The following CACNA1C variants were observed in gnomAD, a reference collection of about 807,000 sequenced individuals.
The protein encoded by CACNA1C is calcium voltage-gated channel subunit alpha1 C, also known as voltage-dependent L-type calcium channel subunit alpha-1C.
In CACNA1C, 30 loss-of-function variants were observed where a neutral mutation model predicts 229.0. The observed-to-expected ratio is 0.13, with a 90% CI of 0.10 to 0.18. The LOEUF is 0.18. Ranked by LOEUF, CACNA1C falls within the 10% of genes least tolerant of loss-of-function variation. CACNA1C has a pLI of 1.00. For missense variants in CACNA1C, 1,658 were observed against 2,845.0 expected (o/e 0.58, Z 9.49); for synonymous variants, 1,114 against 1,132.5 (o/e 0.98, Z 0.33).
chr12:2,691,918 C>G lies in CACNA1C; in HGVS notation c.*719C>G, dbSNP rs1170690245. Reference sequence around the variant, plus strand: ...AGCGCTCTTTTGTTTTGTGGTTTGACACTTTTCTTGACAGCATGTTGCAGT... The same window carrying G: ...AGCGCTCTTTTGTTTTGTGGTTTGAGACTTTTCTTGACAGCATGTTGCAGT... On this transcript the variant is annotated 3_prime_UTR_variant, in exon 47 of 47. Transcript: ENST00000399655. 6.6e-6 allele frequency: 1 copy of G among 152,202 alleles called. No homozygotes were observed. The highest frequency in any genetic ancestry group is 6.5e-5 in the Admixed American group (1 of 15,278). The allele number at this position is 152,202 out of a possible 1,614,324, so 9.4% of individuals were successfully genotyped here. A position where few individuals can be genotyped will look rare whatever the true frequency, so the allele number is the denominator to read the frequency against.
At position 2,147,165 on chromosome 12, in the gene CACNA1C, G is replaced by C. The variant is rs912084459; in HGVS notation, c.477+26735G>C. Among the ~76,000 whole-genome samples the C allele has an allele frequency of 4.6e-5, 7 of 151,046 alleles. 1 individual carries two copies. The South Asian group carries it at 8.4e-4, about 18-fold the overall frequency. ...TACAGCAAACGAATCACTGAGAGAG[G>C]GGGGGAACCTCCAAAATGTTGTGAG... On this transcript the variant is annotated intron_variant, in intron 3 of 46. Transcript: ENST00000399655.
chr12:2,635,878 A>C (rs1203590509), intron 30 of CACNA1C, among the ~76,000 whole-genome samples: 2 of 151,970 alleles, frequency 1.3e-5, no homozygotes, highest in African/African-American at 4.8e-5. Context: ...GTGTGAGTGT[A>C]TGTGTGTATG....
At chr12:2,043,495 G>C (rs1005706891) in intron 1 of CACNA1C, among the ~76,000 whole-genome samples, 1 of 152,072 alleles carries the variant, frequency 6.6e-6, no homozygotes, top group Admixed American at 6.6e-5. Flanking sequence ...ATTGAAACAG[G>C]TCTTCCATCT....
intron 3 of CACNA1C, among the ~76,000 whole-genome samples, chr12:2,380,432 G>A (rs2098210031): frequency 6.6e-6 from 1 of 152,172 alleles, no homozygotes; most frequent in Non-Finnish European, 1.5e-5. Context: ...TAAAAGATTG[G>A]AACGATAGCA....
intron 9 of CACNA1C, among the ~76,000 whole-genome samples, chr12:2,515,216 A>C (rs2099794015): frequency 6.6e-6 from 1 of 152,222 alleles, no homozygotes; most frequent in African/African-American, 2.4e-5. Context: ...AGATGTAGAG[A>C]GTAAGATAGA....
intron 3 of CACNA1C, among the ~76,000 whole-genome samples, chr12:2,283,269 A>G (rs2091900302): frequency 6.6e-6 from 1 of 152,194 alleles, no homozygotes; most frequent in Admixed American, 6.5e-5. Flanking sequence ...ACACAATCCA[A>G]TTAACTAGCT....
At chr12:2,184,984 G>A (rs921871686) in intron 3 of CACNA1C, among the ~76,000 whole-genome samples, 2 of 152,182 alleles carry the variant, frequency 1.3e-5, no homozygotes, top group African/African-American at 4.8e-5. Flanking sequence ...TAATATTTTT[G>A]GGGGGACAGG....
At chr12:2,580,842 A>C (rs2060223486) in intron 13 of CACNA1C, among the ~76,000 whole-genome samples, 2 of 152,222 alleles carry the variant, frequency 1.3e-5, no homozygotes, top group Non-Finnish European at 2.9e-5. Flanking sequence ...GTTTGCTATA[A>C]TCTAGGATTT....
intron 1 of CACNA1C, among the ~76,000 whole-genome samples, chr12:2,103,231 T>A (rs2077061777): frequency 6.6e-6 from 1 of 152,236 alleles, no homozygotes; most frequent in Non-Finnish European, 1.5e-5. Context: ...TTTCTCCACA[T>A]CCTTTCCAGC....
intron 18 of CACNA1C, among the ~76,000 whole-genome samples, chr12:2,589,018 T>G (rs1245990632): frequency 6.6e-6 from 1 of 152,086 alleles, no homozygotes; most frequent in East Asian, 1.9e-4. Flanking sequence ...TTGACTGAGC[T>G]TTGAGTCAGG....
chr12:2,038,098 C>T (rs58035442), intron 1 of CACNA1C, among the ~76,000 whole-genome samples: 3,929 of 152,162 alleles, frequency 0.026, 174 homozygotes, highest in African/African-American at 0.09. Flanking sequence ...ACCCTACTGA[C>T]GAAGACTGTG....
chr12:2,065,897 A>G (rs2059103199), intron 1 of CACNA1C, among the ~76,000 whole-genome samples: 1 of 152,142 alleles, frequency 6.6e-6, no homozygotes, highest in African/African-American at 2.4e-5. Flanking sequence ...AGGGGGAAGA[A>G]GTGGGAGAGA....
intron 13 of CACNA1C, among the ~76,000 whole-genome samples, chr12:2,572,350 C>CCTCTCCTCCTCCTT (rs1568495034): frequency 1.8e-5 from 2 of 111,014 alleles, no homozygotes; most frequent in Non-Finnish European, 2.0e-5. Flanking sequence ...TCCTCCTCCT[C>CCTCTCCTCCTCCTT]CTCCTCTCCT....
intron 3 of CACNA1C, among the ~76,000 whole-genome samples, chr12:2,368,911 C>A (rs1408165542): frequency 6.6e-6 from 1 of 152,182 alleles, no homozygotes; most frequent in African/African-American, 2.4e-5. Context: ...AGACGGCATT[C>A]CTACAGATGA....
intron 31 of CACNA1C, among the ~76,000 whole-genome samples, 160 bp downstream of exon 31, chr12:2,648,667 C>T (rs1233019366): frequency 6.6e-6 from 1 of 152,096 alleles, no homozygotes; most frequent in Non-Finnish European, 1.5e-5. Flanking sequence ...GTTCCCTTCT[C>T]GTGTGAGCTG....
intron 1 of CACNA1C, among the ~76,000 whole-genome samples, chr12:2,089,828 A>T (rs1486365016): frequency 6.6e-6 from 1 of 151,934 alleles, no homozygotes; most frequent in East Asian, 1.9e-4. Context: ...AGGTCGGGAG[A>T]TCGAGACCAG....
rs563058095 is a variant in CACNA1C, at chr12:2,310,176, T to G, written c.478-138800T>G. ...TAACAACCCCATCAGATAAGTAGTA[T>G]TATTACACACAAGGAAACTGAGGTG... On this transcript the variant is annotated intron_variant, in intron 3 of 46. Transcript: ENST00000399655. Among the ~76,000 whole-genome samples, 27 of 152,112 alleles carry G rather than the reference T, an allele frequency of 1.8e-4. 1 individual carries two copies. In the South Asian group the frequency reaches 3.7e-3, roughly 21 times the overall value.
At chr12:2,482,274 G>T (rs2099678921) in intron 5 of CACNA1C, among the ~76,000 whole-genome samples, 1 of 152,250 alleles carries the variant, frequency 6.6e-6, no homozygotes, top group African/African-American at 2.4e-5. Context: ...CGCCTTCCCA[G>T]CAGATGCTGC....
At chr12:2,272,533 C>A (rs1486532326) in intron 3 of CACNA1C, among the ~76,000 whole-genome samples, 1 of 152,194 alleles carries the variant, frequency 6.6e-6, no homozygotes, top group Non-Finnish European at 1.5e-5. Flanking sequence ...GTGGATTTGC[C>A]TGTAAATTTG....
Sources: allele counts gnomAD v4.1 joint callset (sites outside exome capture counted in the v4.1 genomes callset), GRCh38; gene constraint gnomAD v4.1.1; transcripts MANE v1.5; gene names NCBI Gene and HGNC (gene_info 2026-07-23, HGNC 2026-07-21).